KHDC1: variants seen among roughly 807,000 people sequenced by gnomAD.
KHDC1 encodes KH domain containing 1.
In KHDC1, 21 loss-of-function variants were observed where a neutral mutation model predicts 24.7. The ratio of observed to expected loss-of-function variants is 0.85; its 90% CI spans 0.60 to 1.23. The LOEUF is 1.23. KHDC1 is among the 50% of genes most tolerant of loss of function. KHDC1 has a pLI of 0.00. For missense variants in KHDC1, 274 were observed against 298.5 expected, an observed-to-expected ratio of 0.92 and a Z score of 0.61; for synonymous variants, 98 against 111.7, an observed-to-expected ratio of 0.88 and a Z score of 0.77.
chr6:73,258,109 G>T (rs1011007429), intron 2 of KHDC1, among the ~76,000 whole-genome samples: 1 of 152,160 alleles, frequency 6.6e-6, no homozygotes, highest in Non-Finnish European at 1.5e-5. Flanking sequence ...ACAAAAATTA[G>T]CTGGGCGTGG....
chr6:73,251,466 C>T lies in KHDC1; in HGVS notation c.207-8936G>A, dbSNP rs1008588961. Among the ~76,000 whole-genome samples the T allele has an allele frequency of 5.3e-5, 8 of 152,108 alleles. No homozygotes were observed. In the East Asian group the frequency reaches 7.7e-4, roughly 15 times the overall value. On this transcript the variant is annotated intron_variant, in intron 2 of 4. Coordinates refer to ENST00000370384, the Ensembl canonical transcript of KHDC1. ...TAATGTTGAATCAGGGAACCTATAGCGAACAAAAATACTATAGAAAGCCAA... is the reference window on the plus strand; with the variant it reads ...TAATGTTGAATCAGGGAACCTATAGTGAACAAAAATACTATAGAAAGCCAA...
chr6:73,242,630 C>A (rs745904976), intron 2 of KHDC1, 100 bp from the exon 2 acceptor site: 243 of 1,485,150 alleles, frequency 1.6e-4, no homozygotes, highest in Admixed American at 2.0e-4. Flanking sequence ...AACCCAACAA[C>A]CTGCCCCTTG....
intron 2 of KHDC1, among the ~76,000 whole-genome samples, chr6:73,286,754 G>C (rs1270083451): frequency 6.6e-6 from 1 of 152,040 alleles, no homozygotes; most frequent in Non-Finnish European, 1.5e-5. Flanking sequence ...ATGGTAGCTT[G>C]CACCTGTAAT....
chr6:73,247,855 CAAAAA>C (rs60650206), intron 2 of KHDC1, among the ~76,000 whole-genome samples: 8 of 89,548 alleles, frequency 8.9e-5, no homozygotes, highest in African/African-American at 2.8e-4. Context: ...GACTCTGTCT[CAAAAA>C]AAAAAAAAAA....
intron 2 of KHDC1, among the ~76,000 whole-genome samples, chr6:73,270,963 T>G (rs1767167339): frequency 6.6e-6 from 1 of 152,086 alleles, no homozygotes; most frequent in South Asian, 2.1e-4. Context: ...GTGCTGGGAT[T>G]ACAAGCGTGA....
At chr6:73,286,617 C>A (rs1283712638) in intron 2 of KHDC1, among the ~76,000 whole-genome samples, 3 of 152,164 alleles carry the variant, frequency 2.0e-5, no homozygotes, top group Non-Finnish European at 4.4e-5. Context: ...CATGGTGGCT[C>A]ACGTCTACAA....
At chr6:73,259,280 C>CTTTGTTTTTTTTTTT (rs1766935791) in intron 2 of KHDC1, among the ~76,000 whole-genome samples, 1 of 73,238 alleles carries the variant, frequency 1.4e-5, no homozygotes, top group Non-Finnish European at 2.4e-5. Flanking sequence ...ATCCAATATG[C>CTTTGTTTTTTTTTTT]TTTTTTTTTT....
chr6:73,259,872 TAAG>T (rs1766948018), intron 2 of KHDC1, among the ~76,000 whole-genome samples: 1 of 152,164 alleles, frequency 6.6e-6, no homozygotes, highest in Admixed American at 6.5e-5. Flanking sequence ...ATAAACATAA[TAAG>T]AAACAAGCCC....
intron 2 of KHDC1, among the ~76,000 whole-genome samples, chr6:73,283,194 C>T (rs185980385): frequency 1.3e-5 from 2 of 152,142 alleles, no homozygotes; most frequent in Admixed American, 6.5e-5. Flanking sequence ...ATGAAGGAAC[C>T]GGGAGTTATG....
At chr6:73,279,520 A>G (rs1767363840) in intron 2 of KHDC1, among the ~76,000 whole-genome samples, 1 of 151,984 alleles carries the variant, frequency 6.6e-6, no homozygotes, top group South Asian at 2.1e-4. Context: ...AATAATTGGG[A>G]AAATATATTG....
intron 1 of KHDC1, chr6:73,300,356 A>T (rs935270607): frequency 6.6e-6 from 1 of 152,100 alleles, no homozygotes; most frequent in Non-Finnish European, 1.5e-5. Context: ...CTGGTCTGTT[A>T]ATTAAATATT....
chr6:73,293,149 G>A (rs1189065315), intron 1 of KHDC1: 15 of 771,510 alleles, frequency 1.9e-5, no homozygotes, highest in East Asian at 1.8e-4. Context: ...CTATCAGCAA[G>A]TGATTGAAAA....
At chr6:73,250,722 G>A (rs535754195) in intron 2 of KHDC1, among the ~76,000 whole-genome samples, 37 of 152,340 alleles carry the variant, frequency 2.4e-4, no homozygotes, top group African/African-American at 7.7e-4. Flanking sequence ...TCTCCAAGGA[G>A]GGACAATGAA....
intron 3 of KHDC1, 77 bp downstream of exon 2, chr6:73,242,329 G>A (rs1351980745): frequency 2.5e-6 from 4 of 1,608,434 alleles, no homozygotes; most frequent in African/African-American, 2.7e-5. Context: ...TGTGACTGAT[G>A]AAGGTGGGAG....
At chr6:73,302,427 C>T (rs917198981) in intron 1 of KHDC1, among the ~76,000 whole-genome samples, 3 of 152,184 alleles carry the variant, frequency 2.0e-5, no homozygotes, top group Non-Finnish European at 2.9e-5. Context: ...AGTGTACTTA[C>T]ACAAACCTAG....
At chr6:73,261,551 C>T (rs950201686) in intron 2 of KHDC1, among the ~76,000 whole-genome samples, 4 of 151,882 alleles carry the variant, frequency 2.6e-5, no homozygotes, top group Middle Eastern at 3.2e-3. Flanking sequence ...GGGCGGACCC[C>T]TTGAGCCCAG....
At chr6:73,279,496 GA>G (rs1175848443) in intron 2 of KHDC1, among the ~76,000 whole-genome samples, 2 of 151,528 alleles carry the variant, frequency 1.3e-5, no homozygotes, top group East Asian at 3.9e-4. Context: ...AAAAGTCTGC[GA>G]AAATTGCATA....
intron 2 of KHDC1, among the ~76,000 whole-genome samples, chr6:73,245,832 T>A (rs768558719): frequency 2.6e-5 from 4 of 152,192 alleles, no homozygotes; most frequent in African/African-American, 4.8e-5. Context: ...GGCAATTTTA[T>A]CAGCAAAACC....
At chr6:73,285,665 T>C (rs1434116645) in intron 2 of KHDC1, among the ~76,000 whole-genome samples, 1 of 145,406 alleles carries the variant, frequency 6.9e-6, no homozygotes, top group Admixed American at 6.8e-5. Flanking sequence ...TTTTTTTTTT[T>C]ATTATACTCT....
Sources: gnomAD v4.1 joint callset for allele counts (sites outside exome capture counted in the v4.1 genomes callset) on GRCh38, gnomAD v4.1.1 for gene constraint, MANE v1.5 for transcripts, NCBI Gene and HGNC (gene_info 2026-07-23, HGNC 2026-07-21) for gene names.